GXYLT1: variants seen among roughly 807,000 people sequenced by gnomAD.
GXYLT1 encodes glycosyltransferase 8 domain containing 3.
In GXYLT1, 29 loss-of-function variants were observed where a neutral mutation model predicts 54.0. That is an observed-to-expected ratio of 0.54 (90% CI 0.40 to 0.73). GXYLT1 has a LOEUF of 0.73. GXYLT1 is among the 30% of genes least tolerant of loss of function. GXYLT1 has a pLI of 0.00. For synonymous variants in GXYLT1, 176 were observed against 204.1 expected (o/e 0.86, Z 1.17); for missense variants, 490 against 553.4 (o/e 0.89, Z 1.15).
chr12:42,090,880 C>G (rs1653428824), intron 7 of GXYLT1, among the ~76,000 whole-genome samples: 1 of 152,146 alleles, frequency 6.6e-6, no homozygotes, highest in Non-Finnish European at 1.5e-5. Flanking sequence ...ATGTTTTGTT[C>G]TGATTTTGAA....
At chr12:42,137,634 G>C (rs1333324658) in intron 1 of GXYLT1, among the ~76,000 whole-genome samples, 2 of 151,810 alleles carry the variant, frequency 1.3e-5, no homozygotes, top group Non-Finnish European at 2.9e-5. Context: ...GCAGGCGCCT[G>C]TAGTCCCAGC....
intron 3 of GXYLT1, among the ~76,000 whole-genome samples, chr12:42,111,794 C>T (rs554805882): frequency 5.3e-5 from 8 of 152,324 alleles, no homozygotes; most frequent in Admixed American, 5.2e-4. Flanking sequence ...AGTAGTGGTT[C>T]TCCCAGCACG....
chr12:42,140,744 TAAG>T (rs1280882395), intron 1 of GXYLT1, among the ~76,000 whole-genome samples: 1 of 152,154 alleles, frequency 6.6e-6, no homozygotes, highest in African/African-American at 2.4e-5. Context: ...AGGAGACACA[TAAG>T]GAGACTCCAA....
At chr12:42,111,825 G>A (rs575795244) in intron 3 of GXYLT1, among the ~76,000 whole-genome samples, 25 of 152,170 alleles carry the variant, frequency 1.6e-4, no homozygotes, top group Non-Finnish European at 3.1e-4. Context: ...TGTGAGAACG[G>A]GCAGACTGCC....
intron 5 of GXYLT1, among the ~76,000 whole-genome samples, chr12:42,104,961 C>T (rs1449992950): frequency 1.3e-5 from 2 of 152,170 alleles, no homozygotes; most frequent in Non-Finnish European, 2.9e-5. Context: ...TCCTGTCACG[C>T]TCTATTAAGA....
chr12:42,088,442 C>T (rs991862956), intron 7 of GXYLT1, among the ~76,000 whole-genome samples: 1 of 152,014 alleles, frequency 6.6e-6, no homozygotes, highest in African/African-American at 2.4e-5. Flanking sequence ...ACAGAAGGAT[C>T]CCAACAATAA....
At position 42,087,377 on chromosome 12, in the gene GXYLT1, A is replaced by G. The variant is rs1430474145; in HGVS notation, c.*409T>C. 6.8e-6 allele frequency: 1 copy of G among 146,986 alleles called. No individual in the cohort carries two copies. The highest frequency in any genetic ancestry group is 1.5e-5 in the Non-Finnish European group (1 of 66,762). The allele number at this position is 146,986 out of a possible 1,614,324, so 9.1% of individuals were successfully genotyped here. A position where few individuals can be genotyped will look rare whatever the true frequency, so the allele number is the denominator to read the frequency against. On this transcript the variant is annotated 3_prime_UTR_variant, in exon 8 of 8. Coordinates refer to ENST00000398675, the MANE Select transcript of GXYLT1 (RefSeq NM_173601.2). Reference sequence around the variant, plus strand: ...TCCTGTAAACAAACTTTTTTCTCACACTTTTAAAGTGAGGTTAGTGCTGAC... The same window carrying G: ...TCCTGTAAACAAACTTTTTTCTCACGCTTTTAAAGTGAGGTTAGTGCTGAC...
Position 42,082,994 on chromosome 12 carries a change from T to C in GXYLT1, c.*4792A>G, listed in dbSNP as rs2065262245. ...TAAAGGTGAGATAAATTTTCATTTC[T>C]ATTTTTTCCTATCTTTTCAAAGTCC... On this transcript the variant is annotated 3_prime_UTR_variant, in exon 8 of 8. Coordinates refer to ENST00000398675, the MANE Select transcript of GXYLT1 (RefSeq NM_173601.2). 4 of 152,208 alleles carry C rather than the reference T, an allele frequency of 2.6e-5. No individual in the cohort carries two copies. The highest frequency in any genetic ancestry group is 7.2e-5 in the African/African-American group (3 of 41,454). The allele number at this position is 152,208 out of a possible 1,614,324, so 9.4% of individuals were successfully genotyped here. A position where few individuals can be genotyped will look rare whatever the true frequency, so the allele number is the denominator to read the frequency against.
At chr12:42,096,395 C>T (rs758239739) in intron 7 of GXYLT1, among the ~76,000 whole-genome samples, 1 of 152,038 alleles carries the variant, frequency 6.6e-6, no homozygotes, top group African/African-American at 2.4e-5. Context: ...GAGGACATGT[C>T]AAAGGGACAC....
intron 5 of GXYLT1, among the ~76,000 whole-genome samples, chr12:42,099,195 C>G (rs992627440): frequency 7.2e-5 from 11 of 152,110 alleles, no homozygotes; most frequent in Admixed American, 3.9e-4. Flanking sequence ...GAATTACAAC[C>G]CTGCTAACAA....
rs2065262261 is a variant in GXYLT1 at position 42,082,995 on chromosome 12, A to G, written c.*4791T>C. ...AAAGGTGAGATAAATTTTCATTTCTATTTTTTCCTATCTTTTCAAAGTCCC... is the reference window on the plus strand; with the variant it reads ...AAAGGTGAGATAAATTTTCATTTCTGTTTTTTCCTATCTTTTCAAAGTCCC... On this transcript the variant is annotated 3_prime_UTR_variant, in exon 8 of 8. Coordinates refer to ENST00000398675, the MANE Select transcript of GXYLT1 (RefSeq NM_173601.2). The G allele has an allele frequency of 6.6e-6, 1 of 152,034 alleles. No homozygotes were observed. The highest frequency in any genetic ancestry group is 2.4e-5 in the African/African-American group (1 of 41,388). 9.4% of individuals were successfully genotyped at this position (152,034 alleles called of 1,614,324 possible).
At chr12:42,119,282 T>C in intron 2 of GXYLT1, 111 bp from the exon 3 acceptor site, 1 of 828,172 alleles carries the variant, frequency 1.2e-6, no homozygotes, top group Non-Finnish European at 2.0e-6. Context: ...GACTCATGCC[T>C]GCAGTCCCAG....
chr12:42,098,180 C>A, intron 5 of GXYLT1, 147 bp from the exon 6 acceptor site: 1 of 728,154 alleles, frequency 1.4e-6, no homozygotes. Flanking sequence ...CATTTCTAAC[C>A]CTAAATGTGA....
chr12:42,097,650 C>T, intron 6 of GXYLT1, 36 bp from the exon 7 acceptor site: 1 of 1,538,756 alleles, frequency 6.5e-7, no homozygotes, highest in East Asian at 2.3e-5. Flanking sequence ...GAAGCAAATA[C>T]CCCTAATTCC....
At chr12:42,108,004 G>C (rs1384663285) in intron 4 of GXYLT1, among the ~76,000 whole-genome samples, 1 of 152,056 alleles carries the variant, frequency 6.6e-6, no homozygotes, top group Non-Finnish European at 1.5e-5. Flanking sequence ...TATTTTAAAG[G>C]AAGAGAAACT....
intron 3 of GXYLT1, among the ~76,000 whole-genome samples, chr12:42,114,824 C>A (rs1014152194): frequency 5.3e-5 from 8 of 151,996 alleles, no homozygotes; most frequent in African/African-American, 9.7e-5. Flanking sequence ...AGAGACACAA[C>A]CAAAAAAGAG....
intron 5 of GXYLT1, among the ~76,000 whole-genome samples, chr12:42,102,378 A>G (rs2065395197): frequency 6.6e-6 from 1 of 152,226 alleles, no homozygotes; most frequent in African/African-American, 2.4e-5. Flanking sequence ...CATCTTACAA[A>G]TATGTAAAAG....
chr12:42,084,945 T>C lies in GXYLT1; in HGVS notation c.*2841A>G, dbSNP rs138655862. 3 of 152,396 alleles carry C rather than the reference T, an allele frequency of 2.0e-5. No homozygotes were observed. Among genetic ancestry groups the C allele is most frequent in the African/African-American group, 4.8e-5 (2 of 41,600 alleles). 9.4% of individuals were successfully genotyped at this position (152,396 alleles called of 1,614,324 possible). A position where few individuals can be genotyped will look rare whatever the true frequency, so the allele number is the denominator to read the frequency against. ...GAGATAGTTCTGAGGTCAGAATACATAGACTCAAATAATAAATCATGTAGT... is the reference window on the plus strand; with the variant it reads ...GAGATAGTTCTGAGGTCAGAATACACAGACTCAAATAATAAATCATGTAGT... On this transcript the variant is annotated 3_prime_UTR_variant, in exon 8 of 8. Transcript: ENST00000398675.
intron 7 of GXYLT1, among the ~76,000 whole-genome samples, chr12:42,088,726 G>T (rs944254785): frequency 1.3e-5 from 2 of 151,964 alleles, no homozygotes; most frequent in African/African-American, 4.8e-5. Context: ...TTTCAACTAG[G>T]TGTATTTTCA....
Sources: gnomAD v4.1 joint callset for allele counts (sites outside exome capture counted in the v4.1 genomes callset) on GRCh38, gnomAD v4.1.1 for gene constraint, MANE v1.5 for transcripts, NCBI Gene and HGNC (gene_info 2026-07-23, HGNC 2026-07-21) for gene names.